PCDHGB6: variants seen among roughly 807,000 people sequenced by gnomAD.
PCDHGB6 encodes protocadherin gamma-B6.
PCDHGB6 carries 51 observed loss-of-function variants against 59.1 expected under a neutral mutation model. The ratio of observed to expected loss-of-function variants is 0.86; its 90% CI spans 0.69 to 1.09. The LOEUF (loss-of-function observed/expected upper bound fraction) is 1.09. PCDHGB6 is among the 50% of genes least tolerant of loss of function. The pLI is 0.00. For missense variants in PCDHGB6, 1,148 were observed against 1,205.1 expected, an observed-to-expected ratio of 0.95 and a Z score of 0.70; for synonymous variants, 466 against 495.1, an observed-to-expected ratio of 0.94 and a Z score of 0.78.
At chr5:141,415,656 T>C (rs1211470385) in intron 1 of PCDHGB6, 9 of 1,585,542 alleles carry the variant, frequency 5.7e-6, no homozygotes, top group African/African-American at 1.4e-5. Flanking sequence ...AAAAAAAGAT[T>C]GGTTTTTACT....
chr5:141,413,050 G>C (rs868475186), intron 1 of PCDHGB6: 5 of 939,920 alleles, frequency 5.3e-6, no homozygotes, highest in Middle Eastern at 3.3e-4. Flanking sequence ...CTGCAGGGAA[G>C]CTCACTCCAG....
chr5:141,423,238 G>C (rs765040062), intron 1 of PCDHGB6: 4 of 1,613,778 alleles, frequency 2.5e-6, no homozygotes, highest in South Asian at 2.2e-5. Context: ...CAGCATCCCC[G>C]AAGTCCTGGC....
chr5:141,486,760 G>C lies in PCDHGB6; in HGVS notation c.2419-8047G>C. ...GATCCTTTGACTATGAGCAAACCCAGACACTGCAGTTTGAGGTGCAGGCCC... is the reference window on the plus strand; with the variant it reads ...GATCCTTTGACTATGAGCAAACCCACACACTGCAGTTTGAGGTGCAGGCCC... On this transcript the variant is annotated intron_variant, in intron 1 of 3. Transcript: ENST00000520790. This position sits in a 1 kb window ranked among gnomAD's most constrained non-coding sequence, Gnocchi z 5.0. 1.2e-6 allele frequency: 2 copies of C among 1,614,240 alleles called. No homozygotes were observed. The highest frequency in any genetic ancestry group is 2.2e-5 in the South Asian group (2 of 91,086).
chr5:141,447,119 A>AT (rs2098526425), intron 1 of PCDHGB6, among the ~76,000 whole-genome samples: 1 of 150,848 alleles, frequency 6.6e-6, no homozygotes, highest in South Asian at 2.1e-4. Flanking sequence ...TGCTCCATGG[A>AT]TTTTTTTGTT....
At chr5:141,470,734 G>A (rs970003510) in intron 1 of PCDHGB6, among the ~76,000 whole-genome samples, 1 of 152,128 alleles carries the variant, frequency 6.6e-6, no homozygotes, top group Non-Finnish European at 1.5e-5. Context: ...GTCTTGCTCT[G>A]TCGCCCTGGC....
Position 141,493,477 on chromosome 5 carries a change from G to A in PCDHGB6, c.2419-1330G>A, listed in dbSNP as rs1657824440. On this transcript the variant is annotated intron_variant, in intron 1 of 3. Transcript: ENST00000520790. This position sits in a 1 kb window ranked among gnomAD's most constrained non-coding sequence, Gnocchi z 4.3. ...TTCCCTTTTAGGACCTTACATGTGG[G>A]GAAAGTCTTCTGTGGCTCCTCATTT... is the stretch of plus-strand genomic sequence containing the variant. Among the ~76,000 whole-genome samples, 3 of 152,124 alleles carry A rather than the reference G, an allele frequency of 2.0e-5. No individual in the cohort carries two copies. The highest frequency in any genetic ancestry group is 6.5e-5 in the Admixed American group (1 of 15,272).
Position 141,410,549 on chromosome 5 carries a change from G to T in PCDHGB6, c.2347G>T (p.Val783Phe). ...TTCCAATGAAGACATGGTTTGCAGT[G>T]TTTCTCCTGGAGCCTTAATTCCACC... ...LHSNEDMVCS[V>F]SPGALIPPHG... is the part of the protein sequence containing the mutation. The change falls in exon 1 of 4, where the codon GTT becomes TTT. Residue 783 changes from valine to phenylalanine, a missense_variant. Physicochemically the swap from Val to Phe is conservative, Grantham distance 50. Coordinates refer to ENST00000520790, the MANE Select transcript of PCDHGB6 (RefSeq NM_018926.3). The T allele has an allele frequency of 6.2e-7, 1 of 1,613,438 alleles. No homozygotes were observed. Among genetic ancestry groups the T allele is most frequent in the East Asian group, 2.2e-5 (1 of 44,856 alleles).
intron 1 of PCDHGB6, chr5:141,427,798 T>C: frequency 6.6e-7 from 1 of 1,506,550 alleles, no homozygotes; most frequent in South Asian, 1.1e-5. Flanking sequence ...TACGTGTCCG[T>C]GAGCGCACAG....
At chr5:141,429,396 T>A (rs2097212352) in intron 1 of PCDHGB6, among the ~76,000 whole-genome samples, 1 of 151,520 alleles carries the variant, frequency 6.6e-6, no homozygotes, top group African/African-American at 2.4e-5. Context: ...TTAAAAAAAA[T>A]TGAGATTAAG....
Position 141,476,489 on chromosome 5 carries a change from A to G in PCDHGB6, c.2419-18318A>G. ...GGAGCTGTTCAGCGTGGAAGTGGTGATCCAGGACATCAACGACAACAATCC... is the reference window on the plus strand; with the variant it reads ...GGAGCTGTTCAGCGTGGAAGTGGTGGTCCAGGACATCAACGACAACAATCC... On this transcript the variant is annotated intron_variant, in intron 1 of 3. Coordinates refer to ENST00000520790, the MANE Select transcript of PCDHGB6 (RefSeq NM_018926.3). The surrounding 1 kb of genome is among the most constrained non-coding windows in gnomAD (Gnocchi z 7.6). The G allele has an allele frequency of 6.2e-7, 1 of 1,613,928 alleles. No individual in the cohort carries two copies. Among genetic ancestry groups the G allele is most frequent in the Non-Finnish European group, 8.5e-7 (1 of 1,179,976 alleles).
chr5:141,489,287 T>C lies in PCDHGB6; in HGVS notation c.2419-5520T>C. 1 of 1,573,410 alleles carries C rather than the reference T, an allele frequency of 6.4e-7. No individual in the cohort carries two copies. Among genetic ancestry groups the C allele is most frequent in the Non-Finnish European group, 8.6e-7 (1 of 1,159,858 alleles). ...CAGCTCGCTGGGAAATGGCAAGTGC[T>C]GTGCATGTTGTCCTTGTGCTGCTGG... On this transcript the variant is annotated intron_variant, in intron 1 of 3. Transcript: ENST00000520790. The surrounding 1 kb of genome is among the most constrained non-coding windows in gnomAD (Gnocchi z 4.5).
chr5:141,431,375 G>C lies in PCDHGB6; in HGVS notation c.2418+20755G>C. ...ACGCGCCCTGGACCGCGAAGAAAAG[G>C]CTGCTCACCACCTGGTCCTTACGGC... On this transcript the variant is annotated intron_variant, in intron 1 of 3. Transcript: ENST00000520790. This position sits in a 1 kb window ranked among gnomAD's most constrained non-coding sequence, Gnocchi z 4.8. 6.2e-7 allele frequency: 1 copy of C among 1,613,422 alleles called. No individual in the cohort carries two copies. The highest frequency in any genetic ancestry group is 8.5e-7 in the Non-Finnish European group (1 of 1,179,570).
chr5:141,432,482 G>T lies in PCDHGB6; in HGVS notation c.2418+21862G>T, dbSNP rs768206517. 2.5e-6 allele frequency: 4 copies of T among 1,614,060 alleles called. No individual in the cohort carries two copies. Among genetic ancestry groups the T allele is most frequent in the Non-Finnish European group, 3.4e-6 (4 of 1,180,052 alleles). ...CCTCCCCACGGACGGTTCCACTGGC[G>T]TGGAGCTGGCTCCCCGCTCCGCAGA... On this transcript the variant is annotated intron_variant, in intron 1 of 3. Transcript: ENST00000520790. The surrounding 1 kb of genome is among the most constrained non-coding windows in gnomAD (Gnocchi z 6.0).
chr5:141,462,646 A>G (rs1371582710), intron 1 of PCDHGB6, among the ~76,000 whole-genome samples: 1 of 137,316 alleles, frequency 7.3e-6, no homozygotes, highest in Non-Finnish European at 1.5e-5. Flanking sequence ...TTTCATTTCC[A>G]TCCTCAATTA....
At chr5:141,469,569 G>A (rs975304006) in intron 1 of PCDHGB6, among the ~76,000 whole-genome samples, 1 of 152,122 alleles carries the variant, frequency 6.6e-6, no homozygotes, top group Non-Finnish European at 1.5e-5. Flanking sequence ...GTGAGACTCT[G>A]TCTCTAAATA....
intron 1 of PCDHGB6, chr5:141,475,983 C>A: frequency 9.5e-7 from 1 of 1,049,244 alleles, no homozygotes; most frequent in Non-Finnish European, 1.4e-6. Context: ...GAACAGCCGG[C>A]GAGCAAATCA....
intron 1 of PCDHGB6, among the ~76,000 whole-genome samples, chr5:141,464,454 A>G (rs999305559): frequency 6.6e-6 from 1 of 151,542 alleles, no homozygotes; most frequent in Non-Finnish European, 1.5e-5. Context: ...TGTTGTTGTT[A>G]TTTTTGAAGT....
Position 141,464,802 on chromosome 5 carries a change from A to G in PCDHGB6, c.2419-30005A>G, listed in dbSNP as rs545738780. ...TGCCCAGGCCAAATTGCAGTGATGC[A>G]GTCATAGCTCACTGTAGCCTCGCAC... On this transcript the variant is annotated intron_variant, in intron 1 of 3. Transcript: ENST00000520790. Among the ~76,000 whole-genome samples, 25 of 152,032 alleles carry G rather than the reference A, an allele frequency of 1.6e-4. No homozygotes were observed. In the East Asian group the frequency reaches 4.8e-3, roughly 29 times the overall value.
rs1238898498 is a variant in PCDHGB6 at position 141,409,281 on chromosome 5, C to A, written c.1079C>A (p.Ser360Ter). 6.2e-7 allele frequency: 1 copy of A among 1,613,874 alleles called. No homozygotes were observed. The highest frequency in any genetic ancestry group is 8.5e-7 in the Non-Finnish European group (1 of 1,179,898). Residue 360 changes from serine to a stop codon, truncating the protein, a stop_gained, in exon 1 of 4, where the codon TCA becomes TAA. Coordinates refer to ENST00000520790, the MANE Select transcript of PCDHGB6 (RefSeq NM_018926.3). LOFTEE classifies it high-confidence loss of function. ...CTCTCTGATCAGATTTTGGAGAATT[C>A]ACCTCCAGGAATGGTTGTTGCCCTC... ...TSLSDQILENSPPGMVVALFK... is the reference protein window; with the variant it reads ...TSLSDQILEN
Sources: allele counts gnomAD v4.1 joint callset (sites outside exome capture counted in the v4.1 genomes callset), GRCh38; gene constraint gnomAD v4.1.1; non-coding constraint Gnocchi (gnomAD v3.1); transcripts MANE v1.5; gene names NCBI Gene and HGNC (gene_info 2026-07-23, HGNC 2026-07-21).